The following CDC42SE2 variants were observed in gnomAD, a reference collection of about 807,000 sequenced individuals.
CDC42SE2 encodes CDC42 small effector 2, also known as CDC42 small effector protein 2.
In CDC42SE2, 3 loss-of-function variants were observed where a neutral mutation model predicts 11.5. That is an observed-to-expected ratio of 0.26 (90% CI 0.12 to 0.67). The LOEUF is 0.67. Ranked by LOEUF, CDC42SE2 falls within the 30% of genes least tolerant of loss-of-function variation. The probability of loss-of-function intolerance (pLI) is 0.80; values close to 1 mark genes in which losing one functional copy is unlikely to be tolerated. For missense variants in CDC42SE2, 82 were observed against 106.8 expected (o/e 0.77, Z 1.02); for synonymous variants, 33 against 34.8 (o/e 0.95, Z 0.18).
chr5:131,355,800 A>G (rs1416950075), intron 2 of CDC42SE2, among the ~76,000 whole-genome samples: 1 of 152,140 alleles, frequency 6.6e-6, no homozygotes, highest in Non-Finnish European at 1.5e-5. Context: ...AAGCATTTGT[A>G]TTAAATTGCG....
At chr5:131,364,415 G>T (rs1208905028) in intron 3 of CDC42SE2, among the ~76,000 whole-genome samples, 1 of 152,186 alleles carries the variant, frequency 6.6e-6, no homozygotes, top group Non-Finnish European at 1.5e-5. Flanking sequence ...CAGAGTGGCT[G>T]TGAGGCATGG....
rs555376168 is a variant in CDC42SE2 at position 131,312,098 on chromosome 5, A to G, written c.-454-3878A>G. Among the ~76,000 whole-genome samples the G allele has an allele frequency of 1.8e-4, 28 of 152,126 alleles. 1 individual carries two copies. The East Asian group carries it at 5.4e-3, about 29-fold the overall frequency. On this transcript the variant is annotated intron_variant, in intron 1 of 4. Coordinates refer to ENST00000505065, the MANE Select transcript of CDC42SE2 (RefSeq NM_001375635.1). ...TTTTATCTACTTTTGGTCTTTGATGATGGTGATGTACAGATGGGTTTTTGG... is the reference window on the plus strand; with the variant it reads ...TTTTATCTACTTTTGGTCTTTGATGGTGGTGATGTACAGATGGGTTTTTGG...
chr5:131,357,706 G>A (rs1749591477), intron 2 of CDC42SE2, among the ~76,000 whole-genome samples: 1 of 152,140 alleles, frequency 6.6e-6, no homozygotes, highest in African/African-American at 2.4e-5. Context: ...TCATTTCAAG[G>A]AAGGCTCATT....
intron 1 of CDC42SE2, among the ~76,000 whole-genome samples, chr5:131,276,281 CA>C (rs59001427): frequency 0.014 from 1,820 of 126,108 alleles, 34 homozygotes; most frequent in African/African-American, 0.047. Context: ...ACCCCATCTA[CA>C]AAAAAAAAAA....
intron 1 of CDC42SE2, among the ~76,000 whole-genome samples, chr5:131,290,493 T>G (rs1308655366): frequency 2.0e-5 from 3 of 147,900 alleles, no homozygotes; most frequent in Admixed American, 1.3e-4. Context: ...TTTGTTTTTT[T>G]TTTTTTTGAG....
intron 1 of CDC42SE2, among the ~76,000 whole-genome samples, chr5:131,247,808 T>A (rs1041267995): frequency 1.6e-4 from 25 of 152,066 alleles, no homozygotes; most frequent in Middle Eastern, 3.2e-3. Context: ...AGCTAATTTT[T>A]AATTTTCTTT....
intron 3 of CDC42SE2, among the ~76,000 whole-genome samples, chr5:131,376,558 G>T (rs1367408522): frequency 6.6e-6 from 1 of 152,126 alleles, no homozygotes; most frequent in African/African-American, 2.4e-5. Context: ...TAGGTAAACT[G>T]AGTCACAGAT....
intron 2 of CDC42SE2, among the ~76,000 whole-genome samples, chr5:131,357,874 C>G (rs1182585913): frequency 6.6e-6 from 1 of 152,214 alleles, no homozygotes; most frequent in Non-Finnish European, 1.5e-5. Context: ...TTGCCAGCGC[C>G]ACACTGTGTT....
At chr5:131,321,500 G>A (rs1356239687) in intron 2 of CDC42SE2, among the ~76,000 whole-genome samples, 1 of 152,080 alleles carries the variant, frequency 6.6e-6, no homozygotes, top group Non-Finnish European at 1.5e-5. Context: ...CTTTAAAATG[G>A]TACTGATATT....
chr5:131,347,539 C>T (rs551317462), intron 2 of CDC42SE2, among the ~76,000 whole-genome samples: 1 of 152,190 alleles, frequency 6.6e-6, no homozygotes, highest in South Asian at 2.1e-4. Flanking sequence ...TCCAGGACCA[C>T]ATAGATTCAC....
chr5:131,303,565 T>A (rs886341365), intron 1 of CDC42SE2, among the ~76,000 whole-genome samples: 4 of 152,188 alleles, frequency 2.6e-5, no homozygotes, highest in African/African-American at 9.7e-5. Flanking sequence ...TATAAGAAGA[T>A]CTGAGGTTTG....
chr5:131,248,148 A>G (rs1410575608), intron 1 of CDC42SE2, among the ~76,000 whole-genome samples: 1 of 149,964 alleles, frequency 6.7e-6, no homozygotes, highest in East Asian at 1.9e-4. Flanking sequence ...TTTTTTTATT[A>G]TTATTTTTTG....
chr5:131,331,782 G>A (rs893892007), intron 2 of CDC42SE2, among the ~76,000 whole-genome samples: 5 of 152,082 alleles, frequency 3.3e-5, no homozygotes, highest in African/African-American at 1.2e-4. Context: ...CAACTGGTTA[G>A]TATTTTCTGT....
At chr5:131,387,588 T>C (rs756978938) in intron 4 of CDC42SE2, among the ~76,000 whole-genome samples, 5 of 152,126 alleles carry the variant, frequency 3.3e-5, no homozygotes, top group Non-Finnish European at 7.4e-5. Context: ...GGAATTAAAT[T>C]TTAGTTCGTG....
the CDC42SE2 span, among the ~76,000 whole-genome samples, chr5:131,226,879 T>C: frequency 6.6e-6 from 1 of 152,338 alleles, no homozygotes; most frequent in South Asian, 2.1e-4. Flanking sequence ...CACAACTGCC[T>C]CTACTTACCA....
the CDC42SE2 span, among the ~76,000 whole-genome samples, chr5:131,212,918 T>G: frequency 6.6e-6 from 1 of 151,938 alleles, no homozygotes; most frequent in South Asian, 2.1e-4. Context: ...CGGCTGGGCA[T>G]GGTGGCTCAC....
chr5:131,345,531 C>T (rs139299786), intron 2 of CDC42SE2, among the ~76,000 whole-genome samples: 1,809 of 152,210 alleles, frequency 0.012, 14 homozygotes, highest in Non-Finnish European at 0.018. Flanking sequence ...GATTGGTGTA[C>T]CTGAAAGTGA....
At chr5:131,378,280 G>T (rs967854271) in intron 3 of CDC42SE2, among the ~76,000 whole-genome samples, 47 of 152,146 alleles carry the variant, frequency 3.1e-4, no homozygotes, top group Non-Finnish European at 3.8e-4. Flanking sequence ...CCACTAGGAA[G>T]ATCATTTTCA....
intron 1 of CDC42SE2, among the ~76,000 whole-genome samples, chr5:131,300,429 A>G (rs1757654822): frequency 6.6e-6 from 1 of 152,164 alleles, no homozygotes; most frequent in African/African-American, 2.4e-5. Flanking sequence ...GTTATAAATT[A>G]GGGTGACCAT....
Sources: allele counts gnomAD v4.1 joint callset (sites outside exome capture counted in the v4.1 genomes callset), GRCh38; gene constraint gnomAD v4.1.1; transcripts MANE v1.5; gene names NCBI Gene and HGNC (gene_info 2026-07-23, HGNC 2026-07-21).